TNNI3K: variants seen among roughly 807,000 people sequenced by gnomAD.
TNNI3K encodes the protein TNNI3 interacting kinase.
TNNI3K carries 140 observed loss-of-function variants against 114.5 expected under a neutral mutation model. That is an observed-to-expected ratio of 1.22 (90% CI 1.07 to 1.41). The LOEUF (loss-of-function observed/expected upper bound fraction) is 1.41. Ranked by LOEUF, TNNI3K falls within the 40% of genes most tolerant of loss-of-function variation. TNNI3K has a pLI of 0.00. For synonymous variants in TNNI3K, 347 were observed against 347.5 expected (o/e 1.00, Z 0.02); for missense variants, 1,125 against 1,007.6 (o/e 1.12, Z -1.58).
intron 17 of TNNI3K, among the ~76,000 whole-genome samples, chr1:74,391,885 A>G (rs932351426): frequency 5.3e-5 from 8 of 151,812 alleles, no homozygotes; most frequent in Admixed American, 5.2e-4. Flanking sequence ...ACTATGCTGA[A>G]TGTACATGAT....
chr1:74,359,874 A>T (rs776237804), intron 11 of TNNI3K, among the ~76,000 whole-genome samples: 1 of 150,414 alleles, frequency 6.6e-6, no homozygotes, highest in Non-Finnish European at 1.5e-5. Flanking sequence ...TGAACTTAAC[A>T]TTTTTTTTTG....
intron 5 of TNNI3K, among the ~76,000 whole-genome samples, chr1:74,305,338 T>G (rs1353165705): frequency 6.6e-6 from 1 of 152,154 alleles, no homozygotes; most frequent in Non-Finnish European, 1.5e-5. Context: ...CAGGAGGTTT[T>G]TGGAACATGC....
chr1:74,344,643 C>T (rs1044473138), intron 9 of TNNI3K, among the ~76,000 whole-genome samples: 30 of 152,198 alleles, frequency 2.0e-4, no homozygotes, highest in African/African-American at 6.7e-4. Context: ...ACAGCTGACA[C>T]CTCAGGCTAG....
rs1662329090 is a variant in TNNI3K at position 74,367,340 on chromosome 1, G to A, written c.1262G>A (p.Gly421Glu). Residue 421 changes from glycine to glutamate, a missense_variant and splice_region_variant, in exon 12 of 25, where the codon GGA becomes GAA. Transcript: ENST00000326637. ...LPCNEYSQPG[G>E]DGSYVSVPSP... ...TGTAATGAATATTCTCAGCCTGGAG[G>A]AGGTACCCCTTTTCTTATTCAGTTT... 4 of 1,611,936 alleles carry A rather than the reference G, an allele frequency of 2.5e-6. No individual in the cohort carries two copies. In the East Asian group the frequency reaches 8.9e-5, roughly 36 times the overall value.
Position 74,331,458 on chromosome 1 carries a change from T to A in TNNI3K, c.453T>A (p.Asp151Glu). Residue 151 changes from aspartate (D) to glutamate (E), a missense_variant, in exon 6 of 25, where the codon GAT becomes GAA. By Grantham distance (45) the Asp-to-Glu change is conservative. Coordinates refer to ENST00000326637, the MANE Select transcript of TNNI3K (RefSeq NM_015978.3). ...ATIAGHLEAA[D>E]VLLQHGANVN... Reference sequence around the variant, plus strand: ...ATCATTTTCTTGTCCAGGCTGCTGATGTGCTGTTGCAACATGGAGCTAATG... The same window carrying A: ...ATCATTTTCTTGTCCAGGCTGCTGAAGTGCTGTTGCAACATGGAGCTAATG... The A allele has an allele frequency of 6.2e-7, 1 of 1,613,358 alleles. No homozygotes were observed.
At chr1:74,248,180 T>C (rs1280957516) in intron 2 of TNNI3K, among the ~76,000 whole-genome samples, 1 of 152,034 alleles carries the variant, frequency 6.6e-6, no homozygotes, top group Non-Finnish European at 1.5e-5. Context: ...CCAGGGCTGG[T>C]GGCACCAGCC....
At chr1:74,515,564 G>A (rs1646337519) in intron 23 of TNNI3K, among the ~76,000 whole-genome samples, 1 of 152,138 alleles carries the variant, frequency 6.6e-6, no homozygotes, top group East Asian at 1.9e-4. Flanking sequence ...AGTCTAATTA[G>A]GGCAGAAGTC....
At position 74,452,610 on chromosome 1, in the gene TNNI3K, G is replaced by C. The variant is rs1355228190; in HGVS notation, c.2012-10831G>C. Among the ~76,000 whole-genome samples the C allele has an allele frequency of 3.9e-5, 6 of 151,978 alleles. No homozygotes were observed. In the East Asian group the frequency reaches 1.2e-3, roughly 29 times the overall value. On this transcript the variant is annotated intron_variant, in intron 20 of 24. Coordinates refer to ENST00000326637, the MANE Select transcript of TNNI3K (RefSeq NM_015978.3). ...TAAATAGTATCCTGCCTTCAGCTTT[G>C]CTTATCATCTTTTTTCCACCAATCA...
At chr1:74,268,275 A>C (rs1656128509) in intron 4 of TNNI3K, among the ~76,000 whole-genome samples, 1 of 151,878 alleles carries the variant, frequency 6.6e-6, no homozygotes, top group Admixed American at 6.6e-5. Flanking sequence ...TGCAGGGAAA[A>C]TGTTTTAAGG....
intron 4 of TNNI3K, among the ~76,000 whole-genome samples, chr1:74,253,970 C>A (rs12096232): frequency 0.029 from 4,447 of 152,330 alleles, 200 homozygotes; most frequent in African/African-American, 0.1. Context: ...AAACCTACTT[C>A]TAATTATCCC....
intron 4 of TNNI3K, among the ~76,000 whole-genome samples, chr1:74,253,772 C>G (rs772001127): frequency 6.6e-6 from 1 of 152,162 alleles, no homozygotes; most frequent in Non-Finnish European, 1.5e-5. Context: ...GCTCCAGCCT[C>G]GGCCATCCCA....
intron 17 of TNNI3K, among the ~76,000 whole-genome samples, chr1:74,387,836 C>T (rs1467492590): frequency 6.6e-6 from 1 of 152,138 alleles, no homozygotes; most frequent in Non-Finnish European, 1.5e-5. Flanking sequence ...AAATAGCTAG[C>T]AGTGTCTGGC....
At chr1:74,428,108 A>G (rs954578567) in intron 17 of TNNI3K, among the ~76,000 whole-genome samples, 3 of 152,108 alleles carry the variant, frequency 2.0e-5, no homozygotes, top group Admixed American at 2.0e-4. Context: ...GGAAAAATCA[A>G]GGTTCTACAA....
At chr1:74,377,765 C>T (rs868689203) in intron 17 of TNNI3K, among the ~76,000 whole-genome samples, 1 of 151,910 alleles carries the variant, frequency 6.6e-6, no homozygotes, top group African/African-American at 2.4e-5. Flanking sequence ...ATATCACCCA[C>T]GAATTCTAAG....
chr1:74,535,341 C>T (rs1256034413), intron 23 of TNNI3K, among the ~76,000 whole-genome samples: 1 of 152,052 alleles, frequency 6.6e-6, no homozygotes, highest in Non-Finnish European at 1.5e-5. Flanking sequence ...CATGGTGGCA[C>T]ATGCCTGTAA....
intron 4 of TNNI3K, among the ~76,000 whole-genome samples, chr1:74,255,353 CAAAAAAA>C (rs10716634): frequency 9.9e-6 from 1 of 101,080 alleles, no homozygotes; most frequent in Non-Finnish European, 2.0e-5. Context: ...GACTCCGTCT[CAAAAAAA>C]AAAAAAAAAA....
At chr1:74,332,373 T>C (rs959352998) in intron 6 of TNNI3K, among the ~76,000 whole-genome samples, 2 of 151,700 alleles carry the variant, frequency 1.3e-5, no homozygotes, top group African/African-American at 4.9e-5. Flanking sequence ...CGATCTCGGC[T>C]CACTGCAAGC....
chr1:74,462,806 A>T (rs904585004), intron 20 of TNNI3K, among the ~76,000 whole-genome samples: 3 of 152,212 alleles, frequency 2.0e-5, no homozygotes, highest in Non-Finnish European at 4.4e-5. Context: ...GAGATGAGCG[A>T]TATTCAGAAA....
intron 17 of TNNI3K, among the ~76,000 whole-genome samples, chr1:74,391,248 A>T (rs1321761274): frequency 6.6e-6 from 1 of 152,230 alleles, no homozygotes; most frequent in Admixed American, 6.5e-5. Context: ...TTATTAGATT[A>T]ATACTAGAAT....
Sources: allele counts gnomAD v4.1 joint callset (sites outside exome capture counted in the v4.1 genomes callset), GRCh38; gene constraint gnomAD v4.1.1; transcripts MANE v1.5; gene names NCBI Gene and HGNC (gene_info 2026-07-23, HGNC 2026-07-21).